The following UCKL1 variants were observed in gnomAD, a reference collection of about 807,000 sequenced individuals.
UCKL1 encodes uridine-cytidine kinase-like 1.
Under a neutral mutation model 59.2 loss-of-function variants are expected in UCKL1, and 65 were observed. The observed-to-expected ratio is 1.10, with a 90% CI of 0.90 to 1.35. UCKL1 has a LOEUF of 1.35. UCKL1 is among the 40% of genes most tolerant of loss of function. The pLI is 0.00. For synonymous variants in UCKL1, 410 were observed against 323.1 expected, an observed-to-expected ratio of 1.27 and a Z score of -2.88; for missense variants, 703 against 784.3, an observed-to-expected ratio of 0.90 and a Z score of 1.24.
In UCKL1 at chr20:63,940,316, G is replaced by T. The variant is rs201212169; in HGVS notation, c.1411-10C>A. 24 of 1,612,538 alleles carry T rather than the reference G, an allele frequency of 1.5e-5. No homozygotes were observed. The highest frequency in any genetic ancestry group is 2.0e-5 in the Non-Finnish European group (24 of 1,179,912). ...CAGGCACGTCGTGGTCCTACCGAGTGTATTGGGCAGGTAAATCCCACCTCT... is the reference window on the plus strand; with the variant it reads ...CAGGCACGTCGTGGTCCTACCGAGTTTATTGGGCAGGTAAATCCCACCTCT... On this transcript the variant is annotated splice_polypyrimidine_tract_variant and intron_variant, in intron 13 of 14. Transcript: ENST00000354216.
chr20:63,945,676 G>A lies in UCKL1; in HGVS notation c.629C>T (p.Ala210Val). 1.2e-6 allele frequency: 2 copies of A among 1,613,110 alleles called. No individual in the cohort carries two copies. Among genetic ancestry groups the A allele is most frequent in the Non-Finnish European group, 1.7e-6 (2 of 1,179,908 alleles). The change falls in exon 5 of 15, where the codon GCC (alanine) becomes GTC (valine). Residue 210 changes from alanine (A) to valine (V), a missense_variant. Ala to Val is a moderately conservative substitution (Grantham distance 64). Around this residue, in one of 4 missense-constraint regions of UCKL1, gnomAD observed 398 missense variants for 373.0 expected, o/e 1.07. Transcript: ENST00000354216. ...ANVIIFEGIM[A>V]FADKTLLELL... is the part of the protein sequence containing the mutation. Reference sequence around the variant, plus strand: ...CTCCAACAGTGTCTTGTCAGCAAAGGCCATGATGCCCTCAAAGATGATGAC... The same window carrying A: ...CTCCAACAGTGTCTTGTCAGCAAAGACCATGATGCCCTCAAAGATGATGAC...
At position 63,946,214 on chromosome 20, in the gene UCKL1, C is replaced by T. The variant is rs376988394; in HGVS notation, c.358G>A (p.Glu120Lys). 31 of 1,610,846 alleles carry T rather than the reference C, an allele frequency of 1.9e-5. No homozygotes were observed. Among genetic ancestry groups the T allele is most frequent in the South Asian group, 5.5e-5 (5 of 90,780 alleles). Residue 120 changes from glutamate (E) to lysine (K), a missense_variant, in exon 3 of 15, where the codon GAG becomes AAG. Around this residue, in one of 4 missense-constraint regions of UCKL1, gnomAD observed 398 missense variants for 373.0 expected, o/e 1.07. Coordinates refer to ENST00000354216, the MANE Select transcript of UCKL1 (RefSeq NM_017859.4). ...ACCACCCAGGGCACATCCAGGGCCTCGATGATCATTCTGGCCACAGTGGTC... is the reference window on the plus strand; with the variant it reads ...ACCACCCAGGGCACATCCAGGGCCTTGATGATCATTCTGGCCACAGTGGTC... Reference protein sequence around the residue: ...GKTTVARMIIEALDVPWVVLL... With the variant: ...GKTTVARMIIKALDVPWVVLL...
chr20:63,940,311 CGA>C lies in UCKL1; in HGVS notation c.1411-7_1411-6del. ...GTCCTCAGGCACGTCGTGGTCCTAC[CGA>C]GTGTATTGGGCAGGTAAATCCCACC... On this transcript the variant is annotated splice_polypyrimidine_tract_variant and splice_region_variant and intron_variant, in intron 13 of 14. Transcript: ENST00000354216. 6.2e-7 allele frequency: 1 copy of C among 1,612,610 alleles called. No individual in the cohort carries two copies. Among genetic ancestry groups the C allele is most frequent in the Non-Finnish European group, 8.5e-7 (1 of 1,179,954 alleles).
intron 5 of UCKL1, 39 bp from the exon 6 acceptor site, chr20:63,944,773 G>A (rs910248215): frequency 6.2e-7 from 1 of 1,605,802 alleles, no homozygotes; most frequent in African/African-American, 1.3e-5. Context: ...CCAGATGCCA[G>A]CAGTGGGCAT....
At chr20:63,942,534 G>A (rs913773175) in intron 8 of UCKL1, 2 of 1,124,710 alleles carry the variant, frequency 1.8e-6, no homozygotes, top group African/African-American at 3.3e-5. Flanking sequence ...AACAAGGCAG[G>A]AAACGGGGGT....
chr20:63,940,349 C>T (rs2054036918), intron 13 of UCKL1, 29 bp downstream of exon 13: 23 of 1,611,668 alleles, frequency 1.4e-5, no homozygotes, highest in Non-Finnish European at 1.6e-5. Flanking sequence ...TCTGCCTGAA[C>T]CTGCCCCGCC....
rs1214580759 is a variant in UCKL1, at chr20:63,946,384, T to C, written c.304+69A>G. On this transcript the variant is annotated intron_variant, in intron 2 of 14. Coordinates refer to ENST00000354216, the MANE Select transcript of UCKL1 (RefSeq NM_017859.4). ...CGGTTGCCCGGCTTCCTTCTCCTGC[T>C]CCACAGGCACTGGAGGGGAGCCGGA... 5.3e-6 allele frequency: 8 copies of C among 1,521,324 alleles called. No homozygotes were observed. In the Admixed American group the frequency reaches 1.4e-4, roughly 27 times the overall value. The allele number at this position is 1,521,324 out of a possible 1,614,324, so 94.2% of individuals were successfully genotyped here.
At chr20:63,951,399 G>A (rs758801965) in intron 1 of UCKL1, among the ~76,000 whole-genome samples, 4 of 152,120 alleles carry the variant, frequency 2.6e-5, no homozygotes, top group African/African-American at 4.8e-5. Flanking sequence ...ACAGTACCCC[G>A]GCCTGCCTGG....
intron 1 of UCKL1, chr20:63,953,857 G>A (rs1483747394): frequency 1.3e-5 from 2 of 152,662 alleles, no homozygotes; most frequent in African/African-American, 4.8e-5. Context: ...CCACGGGAGA[G>A]AGCACACAGG....
Position 63,945,810 on chromosome 20 carries a change from C to T in UCKL1, c.577G>A (p.Asp193Asn), listed in dbSNP as rs1212847589. 1.9e-6 allele frequency: 3 copies of T among 1,613,468 alleles called. No individual in the cohort carries two copies. Among genetic ancestry groups the T allele is most frequent in the African/African-American group, 2.7e-5 (2 of 74,936 alleles). ...TCTGCAGGGCCCTGGCCTACCCAGT[C>T]CTTCTTCCGGCTGTGCGTGGTGAAG... is the stretch of plus-strand genomic sequence containing the variant. Reference protein sequence around the residue: ...YDFTTHSRKKDWKTLYGANVI... With the variant: ...YDFTTHSRKKNWKTLYGANVI... The change falls in exon 4 of 15, where the codon GAC becomes AAC. Residue 193 changes from aspartate to asparagine, a missense_variant. This residue lies in a region of UCKL1 where 398 missense variants were observed against 373.0 expected (regional missense o/e 1.07). Coordinates refer to ENST00000354216, the MANE Select transcript of UCKL1 (RefSeq NM_017859.4).
chr20:63,944,603 G>A lies in UCKL1; in HGVS notation c.786C>T (p.Pro262=), dbSNP rs771622228. ...VIKQYNKFVK[P]SFDQYIQPTM... is the part of the protein sequence containing the mutation. ...TGGGCTGGATGTACTGGTCGAAGGA[G>A]GGCTTGACAAACTTGTTGTACTGCT... Residue 262 remains proline, a synonymous_variant, in exon 6 of 15, where the codon CCC becomes CCT. Coordinates refer to ENST00000354216, the MANE Select transcript of UCKL1 (RefSeq NM_017859.4). The A allele has an allele frequency of 1.2e-6, 2 of 1,613,030 alleles. No individual in the cohort carries two copies. Among genetic ancestry groups the A allele is most frequent in the Non-Finnish European group, 1.7e-6 (2 of 1,179,894 alleles).
chr20:63,951,496 C>T (rs1042134515), intron 1 of UCKL1, among the ~76,000 whole-genome samples: 7 of 152,188 alleles, frequency 4.6e-5, no homozygotes, highest in African/African-American at 1.7e-4. Context: ...CTGAGCTGGG[C>T]ACCCCATCCC....
chr20:63,943,534 C>A, intron 8 of UCKL1, 119 bp downstream of exon 8: 7 of 1,480,220 alleles, frequency 4.7e-6, no homozygotes, highest in Middle Eastern at 1.7e-4. Context: ...CCACTCCACA[C>A]CACCCCTTCT....
At chr20:63,951,095 A>T (rs2057519190) in intron 1 of UCKL1, 5 of 1,180,508 alleles carry the variant, frequency 4.2e-6, no homozygotes, top group Non-Finnish European at 5.2e-6. Context: ...GAGGCACAGC[A>T]GCTAGGAGGC....
rs933227249 is a variant in UCKL1, at chr20:63,945,506, G to A, written c.654+145C>T. On this transcript the variant is annotated intron_variant, in intron 5 of 14. Transcript: ENST00000354216. ...AGATGGACCCAGCTGTGGCATGCCT[G>A]GGGTTGGGGTTGGGGTAGGGAGTGG... 8 of 783,228 alleles carry A rather than the reference G, an allele frequency of 1.0e-5. No individual in the cohort carries two copies. The African/African-American group carries it at 1.1e-4, about 10-fold the overall frequency. The allele number at this position is 783,228 out of a possible 1,614,324, so 48.5% of individuals were successfully genotyped here.
In UCKL1 at chr20:63,946,248, G is replaced by A. The variant is rs374425171; in HGVS notation, c.324C>T (p.Ala108=). The A allele has an allele frequency of 8.7e-6, 14 of 1,600,014 alleles. No homozygotes were observed. Among genetic ancestry groups the A allele is most frequent in the Non-Finnish European group, 1.2e-5 (14 of 1,174,206 alleles). The change falls in exon 3 of 15, where the codon GCC becomes GCT. Residue 108 remains alanine, a synonymous_variant. Transcript: ENST00000354216. The part of the protein sequence containing the change: ...AFAIGLGGGS[A]SGKTTVARMI... ...TTCTGGCCACAGTGGTCTTCCCAGA[G>A]GCACTGCCGCCTCCCAAGCCTGCCG...
Position 63,945,720 on chromosome 20 carries a change from T to C in UCKL1, c.585A>G (p.Lys195=). ...FTTHSRKKDW[K]TLYGANVIIF... ...TGATGACGTTTGCACCATACAGTGT[T>C]TTCTGTGAAGAAACCCAGGAGTTGC... Residue 195 remains lysine (K), a splice_region_variant and synonymous_variant, in exon 5 of 15, where the codon AAA becomes AAG. Transcript: ENST00000354216. The C allele has an allele frequency of 1.2e-6, 2 of 1,612,900 alleles. No homozygotes were observed. Among genetic ancestry groups the C allele is most frequent in the Non-Finnish European group, 1.7e-6 (2 of 1,179,610 alleles).
At chr20:63,945,436 G>C (rs1268273609) in intron 5 of UCKL1, among the ~76,000 whole-genome samples, 1 of 152,260 alleles carries the variant, frequency 6.6e-6, no homozygotes, top group African/African-American at 2.4e-5. Context: ...CCGGTGGAGA[G>C]GAACCACTGC....
Position 63,940,861 on chromosome 20 carries a change from G to A in UCKL1, c.1117-5C>T, listed in dbSNP as rs2054185394. 6.5e-7 allele frequency: 1 copy of A among 1,536,216 alleles called. No homozygotes were observed. The highest frequency in any genetic ancestry group is 2.3e-5 in the East Asian group (1 of 44,168). ...CGGGGTCTGTACGACGCAGTCCTGT[G>A]GGGTGCAGGGTGAGGACTCCGGTGA... On this transcript the variant is annotated splice_polypyrimidine_tract_variant and splice_region_variant and intron_variant, in intron 10 of 14. Coordinates refer to ENST00000354216, the MANE Select transcript of UCKL1 (RefSeq NM_017859.4).
Sources: gnomAD v4.1 joint callset for allele counts (sites outside exome capture counted in the v4.1 genomes callset) on GRCh38, gnomAD v4.1.1 for gene constraint, gnomAD v4.1.1 regional missense constraint, MANE v1.5 for transcripts, NCBI Gene and HGNC (gene_info 2026-07-23, HGNC 2026-07-21) for gene names.